Variants in SDK1 observed in about 807,000 individuals in gnomAD.
The protein encoded by SDK1 is protein sidekick-1.
Under a neutral mutation model 245.5 loss-of-function variants are expected in SDK1, and 157 were observed. The ratio of observed to expected loss-of-function variants is 0.64; its 90% CI spans 0.56 to 0.73. The LOEUF (loss-of-function observed/expected upper bound fraction) is 0.73, where lower values mean the gene tolerates loss of function less well. Ranked by LOEUF, SDK1 falls within the 30% of genes least tolerant of loss-of-function variation. The probability of loss-of-function intolerance (pLI) is 0.00; values close to 1 mark genes in which losing one functional copy is unlikely to be tolerated. For missense variants in SDK1, 3,583 were observed against 3,002.3 expected (o/e 1.19, Z -4.52); for synonymous variants, 1,647 against 1,278.5 (o/e 1.29, Z -6.15).
intron 35 of SDK1, 79 bp from the exon 36 acceptor site, chr7:4,205,800 C>A: frequency 1.7e-6 from 2 of 1,153,010 alleles, no homozygotes; most frequent in South Asian, 1.3e-5. Context: ...CATGCTCGAG[C>A]CCCATGGGCA....
At chr7:3,637,692 G>C (rs1782508479) in intron 2 of SDK1, among the ~76,000 whole-genome samples, 1 of 152,144 alleles carries the variant, frequency 6.6e-6, no homozygotes, top group African/African-American at 2.4e-5. Flanking sequence ...AAAAAATTTA[G>C]ACAGGCATGG....
intron 2 of SDK1, among the ~76,000 whole-genome samples, chr7:3,628,496 T>G (rs934385534): frequency 6.6e-6 from 1 of 152,166 alleles, no homozygotes; most frequent in Non-Finnish European, 1.5e-5. Flanking sequence ...CAGGACCTTA[T>G]GGATGCATGT....
intron 1 of SDK1, among the ~76,000 whole-genome samples, chr7:3,313,121 T>C (rs1779588267): frequency 1.3e-5 from 2 of 152,098 alleles, no homozygotes; most frequent in African/African-American, 4.8e-5. Context: ...CAAGAGTAAA[T>C]GAAATGGCTG....
chr7:3,797,613 C>A (rs985454404), intron 4 of SDK1, among the ~76,000 whole-genome samples: 3 of 152,036 alleles, frequency 2.0e-5, no homozygotes, highest in African/African-American at 7.2e-5. Flanking sequence ...CTAATTTATT[C>A]TTTTAAATAT....
intron 1 of SDK1, among the ~76,000 whole-genome samples, chr7:3,474,143 C>T (rs953140176): frequency 1.6e-5 from 2 of 128,212 alleles, no homozygotes; most frequent in African/African-American, 3.1e-5. Context: ...CTCTCTGTTG[C>T]CCAGGCTGGG....
intron 1 of SDK1, among the ~76,000 whole-genome samples, chr7:3,397,175 TCAA>T (rs1371176950): frequency 2.6e-5 from 4 of 151,926 alleles, no homozygotes; most frequent in Non-Finnish European, 5.9e-5. Context: ...TATAAGCCTA[TCAA>T]CAAAGTTTTA....
intron 4 of SDK1, 64 bp from the exon 5 acceptor site, chr7:3,821,386 T>C: frequency 6.5e-7 from 1 of 1,548,996 alleles, no homozygotes; most frequent in Non-Finnish European, 8.7e-7. Context: ...CTAATTAATT[T>C]TGTCTTACAA....
chr7:4,233,919 C>T (rs1020666312), intron 41 of SDK1, among the ~76,000 whole-genome samples: 2 of 152,184 alleles, frequency 1.3e-5, no homozygotes, highest in South Asian at 2.1e-4. Flanking sequence ...TTTTAAAAAT[C>T]AGAGACACAT....
At chr7:3,555,904 A>C (rs1003300929) in intron 1 of SDK1, among the ~76,000 whole-genome samples, 8 of 152,200 alleles carry the variant, frequency 5.3e-5, no homozygotes, top group Non-Finnish European at 1.0e-4. Context: ...TTTATCTTAA[A>C]GACAGGCAGT....
intron 4 of SDK1, among the ~76,000 whole-genome samples, chr7:3,723,309 C>G (rs754126736): frequency 2.6e-5 from 4 of 152,182 alleles, no homozygotes; most frequent in African/African-American, 9.7e-5. Context: ...AGAAAACAGG[C>G]AGCACTTTCC....
At chr7:3,463,841 A>G (rs11972647) in intron 1 of SDK1, among the ~76,000 whole-genome samples, 15,322 of 152,148 alleles carry the variant, frequency 0.1, 965 homozygotes, top group African/African-American at 0.17. Flanking sequence ...GTCTAATGCA[A>G]TGGTGACTTT....
At position 3,331,178 on chromosome 7, in the gene SDK1, C is replaced by T. The variant is rs111615422; in HGVS notation, c.298+29294C>T. ...ACTTGGGAGGCTGAGGCAGGAGAAT[C>T]ACTTGAATCTGGGAGGCAGAGATTG... On this transcript the variant is annotated intron_variant, in intron 1 of 44. Coordinates refer to ENST00000404826, the MANE Select transcript of SDK1 (RefSeq NM_152744.4). Among the ~76,000 whole-genome samples the T allele has an allele frequency of 2.2e-4, 34 of 152,142 alleles. 3 individuals are homozygous for T. The highest frequency in any genetic ancestry group is 5.5e-4 in the African/African-American group (23 of 41,502).
chr7:3,423,059 ACT>A (rs1198777196), intron 1 of SDK1, among the ~76,000 whole-genome samples: 2 of 152,104 alleles, frequency 1.3e-5, no homozygotes, highest in Non-Finnish European at 2.9e-5. Context: ...TTTCCTTTTA[ACT>A]CTTAAATTGA....
At chr7:3,443,078 T>A (rs1158690029) in intron 1 of SDK1, among the ~76,000 whole-genome samples, 1 of 144,912 alleles carries the variant, frequency 6.9e-6, no homozygotes, top group East Asian at 2.0e-4. Flanking sequence ...TTTTTTTTTT[T>A]CCCTCCCAAG....
At chr7:3,474,241 G>A (rs997866549) in intron 1 of SDK1, among the ~76,000 whole-genome samples, 19 of 150,770 alleles carry the variant, frequency 1.3e-4, no homozygotes, top group South Asian at 2.1e-4. Context: ...TAGTGGTGGC[G>A]TGCGCCACCA....
chr7:3,789,496 C>A (rs1168516204), intron 4 of SDK1, among the ~76,000 whole-genome samples: 1 of 152,142 alleles, frequency 6.6e-6, no homozygotes, highest in African/African-American at 2.4e-5. Context: ...TCCTAAGCAA[C>A]CCTTCTTAAA....
intron 38 of SDK1, among the ~76,000 whole-genome samples, chr7:4,215,198 C>A (rs1455763571): frequency 1.3e-5 from 2 of 152,342 alleles, no homozygotes; most frequent in African/African-American, 4.8e-5. Context: ...GAGAGGATGG[C>A]AGATCAGACT....
intron 5 of SDK1, among the ~76,000 whole-genome samples, chr7:3,885,494 C>T (rs971477699): frequency 6.6e-6 from 1 of 152,148 alleles, no homozygotes; most frequent in Non-Finnish European, 1.5e-5. Flanking sequence ...GTGTCACTTA[C>T]TAAGAACCCA....
chr7:3,508,329 T>TTC (rs1782464340), intron 1 of SDK1, among the ~76,000 whole-genome samples: 2 of 97,616 alleles, frequency 2.0e-5, no homozygotes, highest in East Asian at 3.5e-4. Context: ...TCTTCTTCTT[T>TTC]TTTTTTTTTT....
Sources: allele counts gnomAD v4.1 joint callset (sites outside exome capture counted in the v4.1 genomes callset), GRCh38; gene constraint gnomAD v4.1.1; transcripts MANE v1.5; gene names NCBI Gene and HGNC (gene_info 2026-07-23, HGNC 2026-07-21).